Variants in SERAC1 observed in about 807,000 individuals in gnomAD.
The protein encoded by SERAC1 is serine active site containing 1, also known as protein SERAC1.
A neutral mutation model predicts 85.7 loss-of-function variants in SERAC1; 36 were observed. That is an observed-to-expected ratio of 0.42 (90% CI 0.32 to 0.55). The LOEUF is 0.55. Ranked by LOEUF, SERAC1 falls within the 20% of genes least tolerant of loss-of-function variation. SERAC1 has a pLI of 0.11. For synonymous variants in SERAC1, 242 were observed against 265.3 expected (o/e 0.91, Z 0.85); for missense variants, 629 against 796.2 (o/e 0.79, Z 2.53).
chr6:158,135,837 T>A lies in SERAC1; in HGVS notation c.739-5351A>T, dbSNP rs144242189. ...GTGAATCTTTTTTTTTGAGACGGAGTCTCACTCTGTCACCCAGGCTGGAGT... is the reference window on the plus strand; with the variant it reads ...GTGAATCTTTTTTTTTGAGACGGAGACTCACTCTGTCACCCAGGCTGGAGT... On this transcript the variant is annotated intron_variant, in intron 8 of 16. Coordinates refer to ENST00000647468, the MANE Select transcript of SERAC1 (RefSeq NM_032861.4). Among the ~76,000 whole-genome samples, 72 of 151,864 alleles carry A rather than the reference T, an allele frequency of 4.7e-4. 1 individual carries two copies. The East Asian group carries it at 0.012, about 26-fold the overall frequency.
rs34650215 is a variant in SERAC1 at position 158,114,962 on chromosome 6, A to G, written c.1511T>C (p.Val504Ala). The G allele has an allele frequency of 6.2e-7, 1 of 1,610,746 alleles. No homozygotes were observed. Among genetic ancestry groups the G allele is most frequent in the Non-Finnish European group, 8.5e-7 (1 of 1,178,598 alleles). The part of the protein sequence containing the change: ...WISHSMGGLL[V>A]KKMLLEASTK... ...AGAGGCTTCCAACAGCATCTTTTTG[A>G]CAAGAAGACCTAGCCACAGACAAGG... The change falls in exon 15 of 17, where the codon GTC becomes GCC. Residue 504 changes from valine to alanine, a missense_variant. Physicochemically the swap from Val to Ala is moderately conservative, Grantham distance 64. Transcript: ENST00000647468.
rs746280358 is a variant in SERAC1, at chr6:158,120,397, A to T, written c.1166+28T>A. Reference sequence around the variant, plus strand: ...TCTAGGCTTCACATTTCCAAAGGGGACAAAGCAACTCTCTTCTGCTTCCTT... The same window carrying T: ...TCTAGGCTTCACATTTCCAAAGGGGTCAAAGCAACTCTCTTCTGCTTCCTT... On this transcript the variant is annotated intron_variant, in intron 11 of 16. Transcript: ENST00000647468. This position sits in a 1 kb window ranked among gnomAD's most constrained non-coding sequence, Gnocchi z 4.4. 1.3e-6 allele frequency: 2 copies of T among 1,595,340 alleles called. No individual in the cohort carries two copies. The highest frequency in any genetic ancestry group is 1.7e-6 in the Non-Finnish European group (2 of 1,168,600).
intron 7 of SERAC1, 119 bp from the exon 8 acceptor site, chr6:158,143,303 ATGTCTC>A: frequency 1.7e-6 from 1 of 596,668 alleles, no homozygotes. Context: ...TTATGTGTGC[ATGTCTC>A]TCTCTCTCTC....
At chr6:158,151,337 G>A (rs1785198956) in intron 3 of SERAC1, among the ~76,000 whole-genome samples, 1 of 152,210 alleles carries the variant, frequency 6.6e-6, no homozygotes, top group African/African-American at 2.4e-5. Context: ...CTTGAGCCCA[G>A]GAGTTCAAGC....
intron 6 of SERAC1, 84 bp from the exon 7 acceptor site, chr6:158,144,504 C>A: frequency 1.5e-6 from 2 of 1,351,014 alleles, no homozygotes; most frequent in Admixed American, 2.5e-5. Flanking sequence ...AACTTGAAAG[C>A]ACTCTAATTT....
At chr6:158,131,000 G>A (rs1784659138) in intron 8 of SERAC1, among the ~76,000 whole-genome samples, 1 of 152,100 alleles carries the variant, frequency 6.6e-6, no homozygotes, top group African/African-American at 2.4e-5. Flanking sequence ...CTTATGGAAG[G>A]ATAAACAAAA....
At chr6:158,144,547 T>A in intron 6 of SERAC1, 127 bp from the exon 7 acceptor site, 2 of 837,594 alleles carry the variant, frequency 2.4e-6, no homozygotes, top group Non-Finnish European at 3.6e-6. Flanking sequence ...AATCCAAAAT[T>A]TCCCAAGTGC....
intron 2 of SERAC1, among the ~76,000 whole-genome samples, chr6:158,155,943 G>C (rs527560407): frequency 4.6e-5 from 7 of 152,166 alleles, no homozygotes; most frequent in Middle Eastern, 3.4e-3. Flanking sequence ...TCAGGAGTTC[G>C]AGACCAGCCT....
chr6:158,158,434 G>A, intron 1 of SERAC1, 70 bp from the exon 2 acceptor site: 24 of 1,180,060 alleles, frequency 2.0e-5, no homozygotes, highest in Non-Finnish European at 3.0e-5. Context: ...TTAACTACAA[G>A]AACATGTTAC....
chr6:158,149,119 G>A (rs530192000), intron 4 of SERAC1, among the ~76,000 whole-genome samples, 165 bp from the exon 5 acceptor site: 13 of 152,234 alleles, frequency 8.5e-5, no homozygotes, highest in Admixed American at 4.6e-4. Flanking sequence ...AGCCTCCCGA[G>A]TAGCTGGGAC....
At chr6:158,153,061 C>G (rs577074433) in intron 3 of SERAC1, among the ~76,000 whole-genome samples, 2 of 152,176 alleles carry the variant, frequency 1.3e-5, no homozygotes, top group Non-Finnish European at 2.9e-5. Context: ...CACAATGTGT[C>G]CCTCCCGGAT....
chr6:158,113,132 A>AAATGCCCCTTTTG, intron 16 of SERAC1: 1 of 378,974 alleles, frequency 2.6e-6, no homozygotes, highest in East Asian at 3.8e-5. Flanking sequence ...TCTATTAAAT[A>AAATGCCCCTTTTG]AATGCCCCTT....
chr6:158,148,909 T>A lies in SERAC1; in HGVS notation c.311A>T (p.Lys104Ile). The change falls in exon 5 of 17, where the codon AAA (lysine) becomes ATA (isoleucine). Residue 104 changes from lysine (K) to isoleucine (I), a missense_variant. Lys to Ile is a moderately radical substitution (Grantham distance 102). Transcript: ENST00000647468. ...TATCTTGGCTGATGTTGCCAATACT[T>A]TTCTTACTGCTTTGTGAAGTTCTTT... ...ARKELHKAVR[K>I]VLATSAKILR... is the part of the protein sequence containing the mutation. 6 of 1,613,062 alleles carry A rather than the reference T, an allele frequency of 3.7e-6. No individual in the cohort carries two copies. Among genetic ancestry groups the A allele is most frequent in the Non-Finnish European group, 4.2e-6 (5 of 1,179,576 alleles).
In SERAC1 at chr6:158,154,284, T is replaced by C. The variant is rs577015571; in HGVS notation, c.128+1031A>G. On this transcript the variant is annotated intron_variant, in intron 3 of 16. Transcript: ENST00000647468. ...CCATGAAAGACAAAATTCTTTACTA[T>C]AATAAAAAACTGTAATTAATGTTCA... Among the ~76,000 whole-genome samples the C allele has an allele frequency of 1.7e-4, 26 of 152,060 alleles. No homozygotes were observed. In the East Asian group the frequency reaches 3.5e-3, roughly 20 times the overall value.
At chr6:158,118,633 AAAAG>A (rs1416456687) in intron 12 of SERAC1, among the ~76,000 whole-genome samples, 2 of 151,444 alleles carry the variant, frequency 1.3e-5, no homozygotes, top group Non-Finnish European at 2.9e-5. Flanking sequence ...AAAAAAAAAA[AAAAG>A]AAGGAAAGAA....
At chr6:158,146,961 C>G (rs1785076413) in intron 5 of SERAC1, 48 bp from the exon 6 acceptor site, 3 of 1,568,454 alleles carry the variant, frequency 1.9e-6, no homozygotes, top group Non-Finnish European at 2.6e-6. Flanking sequence ...TAAGATAATA[C>G]TTTTATCTTC....
chr6:158,129,242 A>T (rs1181116027), intron 9 of SERAC1, among the ~76,000 whole-genome samples: 1 of 152,220 alleles, frequency 6.6e-6, no homozygotes, highest in African/African-American at 2.4e-5. Flanking sequence ...TCTGTACTAC[A>T]ACACCTTATT....
chr6:158,148,126 G>A (rs866098656), intron 5 of SERAC1, among the ~76,000 whole-genome samples: 4 of 152,078 alleles, frequency 2.6e-5, no homozygotes, highest in Non-Finnish European at 5.9e-5. Context: ...AGATTTAATA[G>A]TCTCTTTCAA....
At chr6:158,147,656 G>A (rs1416724386) in intron 5 of SERAC1, among the ~76,000 whole-genome samples, 1 of 148,682 alleles carries the variant, frequency 6.7e-6, no homozygotes, top group Non-Finnish European at 1.5e-5. Flanking sequence ...TGCAGTCCCA[G>A]CTACTCGGGA....
Sources: allele counts gnomAD v4.1 joint callset (sites outside exome capture counted in the v4.1 genomes callset), GRCh38; gene constraint gnomAD v4.1.1; non-coding constraint Gnocchi (gnomAD v3.1); transcripts MANE v1.5; gene names NCBI Gene and HGNC (gene_info 2026-07-23, HGNC 2026-07-21).